Variants in RANBP17 observed in about 807,000 individuals in gnomAD.
The protein encoded by RANBP17 is ran-binding protein 17.
In RANBP17, 158 loss-of-function variants were observed where a neutral mutation model predicts 141.2. The observed-to-expected ratio is 1.12, with a 90% confidence interval of 0.98 to 1.28. The LOEUF (loss-of-function observed/expected upper bound fraction) is 1.28. RANBP17 is among the 50% of genes most tolerant of loss of function. RANBP17 has a pLI of 0.00. For synonymous variants in RANBP17, 430 were observed against 450.0 expected (o/e 0.96, Z 0.56); for missense variants, 1,438 against 1,290.7 (o/e 1.11, Z -1.75).
At chr5:170,943,480 T>C (rs908193341) in intron 12 of RANBP17, among the ~76,000 whole-genome samples, 2 of 152,120 alleles carry the variant, frequency 1.3e-5, no homozygotes, top group African/African-American at 4.8e-5. Flanking sequence ...ACTGCAGTTA[T>C]AAACCATAAT....
At chr5:171,142,245 G>C (rs1354909877) in intron 14 of RANBP17, among the ~76,000 whole-genome samples, 1 of 152,044 alleles carries the variant, frequency 6.6e-6, no homozygotes, top group Non-Finnish European at 1.5e-5. Context: ...CAAGATGATA[G>C]GTGATTCTTA....
chr5:170,991,587 T>G (rs1778513507), intron 14 of RANBP17, among the ~76,000 whole-genome samples: 1 of 151,954 alleles, frequency 6.6e-6, no homozygotes, highest in African/African-American at 2.4e-5. Flanking sequence ...CAGCTTGGCC[T>G]TTTCATCAGA....
intron 14 of RANBP17, among the ~76,000 whole-genome samples, chr5:171,121,273 GT>G (rs1386335980): frequency 6.6e-6 from 1 of 152,228 alleles, no homozygotes; most frequent in Non-Finnish European, 1.5e-5. Flanking sequence ...TGGGACATGG[GT>G]GCATAACTGC....
At chr5:170,956,867 C>T (rs959724447) in intron 13 of RANBP17, among the ~76,000 whole-genome samples, 7 of 151,734 alleles carry the variant, frequency 4.6e-5, no homozygotes, top group Non-Finnish European at 8.8e-5. Flanking sequence ...GTCAGGAGAT[C>T]GAGACCATCC....
chr5:171,163,972 A>C (rs1759513070), intron 14 of RANBP17, among the ~76,000 whole-genome samples: 1 of 152,184 alleles, frequency 6.6e-6, no homozygotes, highest in Non-Finnish European at 1.5e-5. Context: ...TTAACTTACT[A>C]TAATTTTCTG....
intron 18 of RANBP17, among the ~76,000 whole-genome samples, chr5:171,183,901 G>C (rs1305956369): frequency 6.6e-6 from 1 of 152,148 alleles, no homozygotes; most frequent in African/African-American, 2.4e-5. Context: ...TTAAAGACAA[G>C]GCAATACATG....
At chr5:171,046,497 G>A (rs887883843) in intron 14 of RANBP17, among the ~76,000 whole-genome samples, 1 of 151,960 alleles carries the variant, frequency 6.6e-6, no homozygotes, top group African/African-American at 2.4e-5. Flanking sequence ...ATGAGCCACC[G>A]TGCCCGGCCA....
chr5:170,897,631 G>A (rs186970508), intron 5 of RANBP17, among the ~76,000 whole-genome samples: 2 of 149,752 alleles, frequency 1.3e-5, no homozygotes, highest in African/African-American at 4.9e-5. Flanking sequence ...TCATTGTTCA[G>A]CTCTCACTTA....
chr5:170,904,935 C>A (rs897619028), intron 5 of RANBP17, among the ~76,000 whole-genome samples: 1 of 152,002 alleles, frequency 6.6e-6, no homozygotes, highest in Non-Finnish European at 1.5e-5. Context: ...TTATTCCAAC[C>A]GTTAAGGAGG....
Position 170,939,359 on chromosome 5 carries a change from T to A in RANBP17, c.1469-14238T>A, listed in dbSNP as rs984164764. ...GAAATTGGTAAACTCAAAAATTTTA[T>A]TTTATTTATTTATTTATTTATTTAT... On this transcript the variant is annotated intron_variant, in intron 12 of 27. Transcript: ENST00000523189. Among the ~76,000 whole-genome samples, 6 of 147,640 alleles carry A rather than the reference T, an allele frequency of 4.1e-5. No individual in the cohort carries two copies. The Middle Eastern group carries it at 0.014, about 347-fold the overall frequency.
intron 13 of RANBP17, among the ~76,000 whole-genome samples, chr5:170,955,534 A>ATATATATG (rs1581232079): frequency 9.2e-6 from 1 of 108,840 alleles, no homozygotes; most frequent in East Asian, 2.9e-4. Context: ...GTCTGTGTAT[A>ATATATATG]TATATATATG....
At chr5:171,197,756 C>T (rs1226879910) in intron 18 of RANBP17, among the ~76,000 whole-genome samples, 3 of 152,114 alleles carry the variant, frequency 2.0e-5, no homozygotes, top group South Asian at 2.1e-4. Flanking sequence ...AAGAGCCAGG[C>T]GGCCGGGCGC....
At chr5:170,870,335 G>A (rs1767614796) in intron 1 of RANBP17, among the ~76,000 whole-genome samples, 1 of 152,046 alleles carries the variant, frequency 6.6e-6, no homozygotes, top group African/African-American at 2.4e-5. Context: ...AGCTCTGCAG[G>A]CATTAGCTAT....
chr5:171,085,438 C>T (rs1277591132), intron 14 of RANBP17, among the ~76,000 whole-genome samples: 1 of 74,156 alleles, frequency 1.3e-5, no homozygotes, highest in Non-Finnish European at 2.9e-5. Context: ...ATTGACTTGG[C>T]AATGCAGGCT....
At chr5:171,169,433 GT>G (rs1483755401) in intron 14 of RANBP17, among the ~76,000 whole-genome samples, 1 of 152,104 alleles carries the variant, frequency 6.6e-6, no homozygotes, top group African/African-American at 2.4e-5. Flanking sequence ...AGTGGGATAT[GT>G]GTTTATAAGC....
chr5:171,275,520 A>C (rs1312635141), intron 25 of RANBP17, among the ~76,000 whole-genome samples: 1 of 152,208 alleles, frequency 6.6e-6, no homozygotes, highest in Non-Finnish European at 1.5e-5. Flanking sequence ...GAGAATGAAA[A>C]ATTAGCCACA....
In RANBP17 at chr5:170,968,305, G is replaced by A. The variant is rs373945667; in HGVS notation, c.1638G>A (p.Glu546=). The A allele has an allele frequency of 2.5e-5, 41 of 1,608,956 alleles. No individual in the cohort carries two copies. The highest frequency in any genetic ancestry group is 2.9e-5 in the Non-Finnish European group (34 of 1,177,556). ...GLPRCCNEKI[E]LAILWFLDQF... is the part of the protein sequence containing the mutation. ...CTCGATGTTGTAATGAGAAAATAGA[G>A]CTTGCAATTCTGTGGTTCTTGGATC... Residue 546 remains glutamate, a synonymous_variant, in exon 14 of 28, where the codon GAG becomes GAA. Coordinates refer to ENST00000523189, the MANE Select transcript of RANBP17 (RefSeq NM_022897.5).
intron 14 of RANBP17, among the ~76,000 whole-genome samples, chr5:171,086,649 T>C (rs1467575097): frequency 6.0e-5 from 9 of 150,470 alleles, no homozygotes; most frequent in Non-Finnish European, 1.3e-4. Context: ...GCTCCTGTTA[T>C]TGGTCTATTC....
chr5:170,903,324 G>A (rs181472058), intron 5 of RANBP17, among the ~76,000 whole-genome samples: 31 of 152,294 alleles, frequency 2.0e-4, no homozygotes, highest in African/African-American at 7.5e-4. Context: ...AATGGTGGAC[G>A]CCCCTCCCCC....
Sources: allele counts gnomAD v4.1 joint callset (sites outside exome capture counted in the v4.1 genomes callset), GRCh38; gene constraint gnomAD v4.1.1; transcripts MANE v1.5; gene names NCBI Gene and HGNC (gene_info 2026-07-23, HGNC 2026-07-21).